The following EXOC6 variants were observed in gnomAD, a reference collection of about 807,000 sequenced individuals.
The protein encoded by EXOC6 is SEC15-like 1.
A neutral mutation model predicts 112.5 loss-of-function variants in EXOC6; 60 were observed. The ratio of observed to expected loss-of-function variants is 0.53; its 90% CI spans 0.43 to 0.66. The LOEUF is 0.66. EXOC6 is among the 30% of genes least tolerant of loss of function. The pLI is 0.00. For missense variants in EXOC6, 855 were observed against 957.1 expected (o/e 0.89, Z 1.41); for synonymous variants, 295 against 308.0 (o/e 0.96, Z 0.44).
At chr10:92,919,751 G>A (rs905559260) in intron 7 of EXOC6, among the ~76,000 whole-genome samples, 9 of 152,024 alleles carry the variant, frequency 5.9e-5, no homozygotes, top group African/African-American at 2.2e-4. Flanking sequence ...ACCTTAAGTT[G>A]AAAACAGTCC....
chr10:92,978,508 C>G (rs912158920), intron 18 of EXOC6, among the ~76,000 whole-genome samples: 1 of 151,866 alleles, frequency 6.6e-6, no homozygotes, highest in Non-Finnish European at 1.5e-5. Flanking sequence ...AAATTATTGA[C>G]TATGGTAAAT....
chr10:92,963,155 T>A (rs1423170975), intron 17 of EXOC6, among the ~76,000 whole-genome samples: 3 of 152,236 alleles, frequency 2.0e-5, no homozygotes, highest in Non-Finnish European at 4.4e-5. Flanking sequence ...ATTCATCTTA[T>A]GTTAATAAGG....
At chr10:93,052,679 T>C (rs1406680825) in intron 20 of EXOC6, among the ~76,000 whole-genome samples, 1 of 152,252 alleles carries the variant, frequency 6.6e-6, no homozygotes, top group Non-Finnish European at 1.5e-5. Flanking sequence ...ATCTGTACTT[T>C]GCTTACTTCC....
At chr10:92,892,305 G>T (rs532300029) in intron 1 of EXOC6, among the ~76,000 whole-genome samples, 1 of 152,360 alleles carries the variant, frequency 6.6e-6, no homozygotes, top group Non-Finnish European at 1.5e-5. Flanking sequence ...TTCCACGAGT[G>T]AGCTTTCAGT....
At chr10:92,860,258 TCCA>T (rs1403108774) in intron 1 of EXOC6, among the ~76,000 whole-genome samples, 1 of 143,376 alleles carries the variant, frequency 7.0e-6, no homozygotes, top group Non-Finnish European at 1.5e-5. Context: ...ATCATCTATC[TCCA>T]CAACTTTTTT....
chr10:92,844,961 C>T (rs1014719826), upstream of EXOC6, among the ~76,000 whole-genome samples: 1 of 152,126 alleles, frequency 6.6e-6, no homozygotes, highest in Non-Finnish European at 1.5e-5. Context: ...AGGCGCTTTC[C>T]CAAGACAGGT....
At chr10:92,876,781 T>C (rs557006198) in intron 1 of EXOC6, among the ~76,000 whole-genome samples, 182 of 152,266 alleles carry the variant, frequency 1.2e-3, no homozygotes, top group African/African-American at 4.2e-3. Context: ...TCATTTTCCT[T>C]AGGAGATAGG....
chr10:93,026,058 T>G (rs1306350199), intron 20 of EXOC6, among the ~76,000 whole-genome samples: 1 of 152,248 alleles, frequency 6.6e-6, no homozygotes, highest in East Asian at 1.9e-4. Flanking sequence ...TCCATGTTGT[T>G]ACGTATAGCT....
At chr10:92,923,511 G>T (rs1306945632) in intron 8 of EXOC6, among the ~76,000 whole-genome samples, 1 of 152,166 alleles carries the variant, frequency 6.6e-6, no homozygotes, top group Admixed American at 6.5e-5. Context: ...TCATCTGAAG[G>T]CTTAACAGGG....
intron 7 of EXOC6, among the ~76,000 whole-genome samples, chr10:92,919,034 C>T (rs1851280667): frequency 6.6e-6 from 1 of 151,772 alleles, no homozygotes. Context: ...TATTTTTGAC[C>T]TCTGCTTTTT....
intron 1 of EXOC6, among the ~76,000 whole-genome samples, chr10:92,837,772 G>A (rs911500505): frequency 7.2e-5 from 11 of 152,148 alleles, no homozygotes; most frequent in African/African-American, 1.9e-4. Flanking sequence ...TTGAGGCCCC[G>A]GAATGAACAG....
intron 17 of EXOC6, among the ~76,000 whole-genome samples, chr10:92,970,957 C>T (rs978362377): frequency 1.3e-5 from 2 of 152,208 alleles, no homozygotes; most frequent in Non-Finnish European, 2.9e-5. Flanking sequence ...GTGGAGTGTA[C>T]AATAGATGTC....
At chr10:92,972,339 A>G (rs1842332734) in intron 17 of EXOC6, among the ~76,000 whole-genome samples, 1 of 152,190 alleles carries the variant, frequency 6.6e-6, no homozygotes, top group Non-Finnish European at 1.5e-5. Flanking sequence ...ATGGAGACTT[A>G]ATTGCAAAAC....
chr10:93,026,155 A>G (rs1299776745), intron 20 of EXOC6, among the ~76,000 whole-genome samples: 2 of 152,236 alleles, frequency 1.3e-5, no homozygotes, highest in African/African-American at 4.8e-5. Flanking sequence ...TGGTAGACAT[A>G]TGAAGTGATT....
chr10:92,921,971 A>G (rs913634060), intron 8 of EXOC6, among the ~76,000 whole-genome samples: 1 of 151,758 alleles, frequency 6.6e-6, no homozygotes, highest in Non-Finnish European at 1.5e-5. Flanking sequence ...TTTGAGACAG[A>G]GTCTTGCTCT....
chr10:93,028,805 G>A (rs564423750), intron 20 of EXOC6, among the ~76,000 whole-genome samples: 1 of 139,510 alleles, frequency 7.2e-6, no homozygotes, highest in Non-Finnish European at 1.5e-5. Context: ...TTGCACTCCA[G>A]CCTGGGCAAC....
Position 92,975,756 on chromosome 10 carries a change from C to T in EXOC6, c.1953+1524C>T, listed in dbSNP as rs536527539. ...GGGAGGGAGGTCGGGGGGCCAGCCC[C>T]CCGCCGGGCCAGCCGCCCCATCCGG... On this transcript the variant is annotated intron_variant, in intron 18 of 21. Coordinates refer to ENST00000260762, the MANE Select transcript of EXOC6 (RefSeq NM_019053.6). 2.2e-3 allele frequency among the ~76,000 whole-genome samples: 299 copies of T among 133,216 alleles called. 3 individuals are homozygous for T. Among genetic ancestry groups the T allele is most frequent in the African/African-American group, 8.0e-3 (284 of 35,596 alleles). 87.4% of individuals were successfully genotyped at this position (133,216 alleles called of 152,430 possible). A position where few individuals can be genotyped will look rare whatever the true frequency, so the allele number is the denominator to read the frequency against.
At chr10:92,926,002 C>G (rs1031167086) in intron 8 of EXOC6, among the ~76,000 whole-genome samples, 1 of 148,980 alleles carries the variant, frequency 6.7e-6, no homozygotes, top group Non-Finnish European at 1.5e-5. Flanking sequence ...TTAGTTTGAT[C>G]ATGAGGACTG....
intron 13 of EXOC6, among the ~76,000 whole-genome samples, chr10:92,944,741 A>G (rs1852873689): frequency 6.6e-6 from 1 of 150,600 alleles, no homozygotes; most frequent in Non-Finnish European, 1.5e-5. Context: ...GATAATGGCC[A>G]TTCTCACAGC....
Sources: gnomAD v4.1 joint callset for allele counts (sites outside exome capture counted in the v4.1 genomes callset) on GRCh38, gnomAD v4.1.1 for gene constraint, MANE v1.5 for transcripts, NCBI Gene and HGNC (gene_info 2026-07-23, HGNC 2026-07-21) for gene names.